The following C1QTNF3 variants were observed in gnomAD, a reference collection of about 807,000 sequenced individuals.
The protein encoded by C1QTNF3 is C1q and TNF related 3.
A neutral mutation model predicts 32.6 loss-of-function variants in C1QTNF3; 26 were observed. The ratio of observed to expected loss-of-function variants is 0.80; its 90% CI spans 0.58 to 1.11. C1QTNF3 has a LOEUF of 1.11. Among genes scored for constraint, C1QTNF3 ranks in the 50% least tolerant of loss-of-function variants. C1QTNF3 has a pLI of 0.00. For synonymous variants in C1QTNF3, 155 were observed against 146.0 expected (o/e 1.06, Z -0.44); for missense variants, 362 against 398.2 (o/e 0.91, Z 0.77).
At chr5:34,224,810 A>G in the C1QTNF3 span, among the ~76,000 whole-genome samples, 1 of 152,198 alleles carries the variant, frequency 6.6e-6, no homozygotes, top group Non-Finnish European at 1.5e-5. Flanking sequence ...ATGGGATCTC[A>G]TTAAACTAAA....
chr5:34,042,917 T>C lies in C1QTNF3; in HGVS notation c.209A>G (p.Asn70Ser). 1.2e-6 allele frequency: 2 copies of C among 1,614,176 alleles called. No individual in the cohort carries two copies. Among genetic ancestry groups the C allele is most frequent in the Non-Finnish European group, 1.7e-6 (2 of 1,180,026 alleles). Residue 70 changes from asparagine to serine, a missense_variant, in exon 1 of 6, where the codon AAT (asparagine) becomes AGT (serine). By Grantham distance (46) the Asn-to-Ser change is conservative. Coordinates refer to ENST00000382065, the MANE Select transcript of C1QTNF3 (RefSeq NM_181435.6). Reference protein sequence around the residue: ...RSHPKTGTVDNNTSTDLKSLR... With the variant: ...RSHPKTGTVDSNTSTDLKSLR... The stretch of plus-strand genomic sequence containing the variant: ...GGATTTTAGGTCTGTAGAAGTGTTA[T>C]TATCCACAGTCCCAGTTTTAGGATG...
At chr5:34,244,694 G>C in the C1QTNF3 span, 1 of 151,992 alleles carries the variant, frequency 6.6e-6, no homozygotes, top group African/African-American at 2.4e-5. Context: ...AGTACCCACC[G>C]GACTCAGGAG....
At chr5:34,208,368 C>T in the C1QTNF3 span, among the ~76,000 whole-genome samples, 1 of 152,114 alleles carries the variant, frequency 6.6e-6, no homozygotes, top group Admixed American at 6.6e-5. Flanking sequence ...AAAATTCATC[C>T]TGCAGTAGTG....
chr5:34,207,923 G>C, the C1QTNF3 span, among the ~76,000 whole-genome samples: 2 of 152,038 alleles, frequency 1.3e-5, no homozygotes, highest in Non-Finnish European at 2.9e-5. Context: ...GAGTAGATGG[G>C]ACTACAGGCG....
the C1QTNF3 span, among the ~76,000 whole-genome samples, chr5:34,131,901 CAT>C: frequency 4.8e-4 from 73 of 152,110 alleles, no homozygotes; most frequent in East Asian, 4.0e-3. Flanking sequence ...ACAATTATCA[CAT>C]GTCAATTTAA....
the C1QTNF3 span, among the ~76,000 whole-genome samples, chr5:34,208,118 AAATG>A: frequency 0.014 from 2,193 of 152,272 alleles, 21 homozygotes; most frequent in South Asian, 0.034. Flanking sequence ...GCTCCTTCCT[AAATG>A]AATGATTATT....
the C1QTNF3 span, among the ~76,000 whole-genome samples, chr5:34,201,270 A>G: frequency 2.6e-5 from 4 of 152,194 alleles, no homozygotes; most frequent in Admixed American, 2.6e-4. Context: ...TTAATAGATC[A>G]TCAGAAAAAA....
At chr5:34,215,936 C>G in the C1QTNF3 span, among the ~76,000 whole-genome samples, 1 of 152,196 alleles carries the variant, frequency 6.6e-6, no homozygotes, top group Non-Finnish European at 1.5e-5. Context: ...CCAGGACTCT[C>G]TCATGACTTT....
chr5:34,155,506 A>C, the C1QTNF3 span, among the ~76,000 whole-genome samples: 1 of 152,210 alleles, frequency 6.6e-6, no homozygotes, highest in Non-Finnish European at 1.5e-5. Flanking sequence ...CTCAGACCTG[A>C]TTTTAATATC....
Position 34,042,592 on chromosome 5 carries a change from C to T in C1QTNF3, c.303+231G>A, listed in dbSNP as rs558537412. 7.2e-5 allele frequency among the ~76,000 whole-genome samples: 11 copies of T among 152,226 alleles called. No homozygotes were observed. The East Asian group carries it at 9.6e-4, about 13-fold the overall frequency. On this transcript the variant is annotated intron_variant, in intron 1 of 5. Coordinates refer to ENST00000382065, the MANE Select transcript of C1QTNF3 (RefSeq NM_181435.6). ...TCCCCTTTCTGATGGGGTGATGCTA[C>T]GGCCACTATCCCATCACATCATTGC...
chr5:34,084,361 G>A, the C1QTNF3 span, among the ~76,000 whole-genome samples: 11 of 151,882 alleles, frequency 7.2e-5, 1 homozygote, highest in South Asian at 2.3e-3. Flanking sequence ...TTCGCTGAGA[G>A]TAAAGTTTAG....
chr5:34,138,594 T>C, the C1QTNF3 span, among the ~76,000 whole-genome samples: 1 of 152,146 alleles, frequency 6.6e-6, no homozygotes, highest in Admixed American at 6.5e-5. Flanking sequence ...TCTATGATGT[T>C]GGCAGGGACA....
chr5:34,239,267 T>C, the C1QTNF3 span: 2 of 152,118 alleles, frequency 1.3e-5, no homozygotes, highest in African/African-American at 4.8e-5. Context: ...ACAAACGTGA[T>C]GATAGGATCA....
chr5:34,230,676 C>T, the C1QTNF3 span, among the ~76,000 whole-genome samples: 1 of 152,036 alleles, frequency 6.6e-6, no homozygotes, highest in Non-Finnish European at 1.5e-5. Flanking sequence ...TAGCGTAAAT[C>T]AATTCAAATT....
At chr5:34,225,330 GTTT>G in the C1QTNF3 span, among the ~76,000 whole-genome samples, 2 of 151,880 alleles carry the variant, frequency 1.3e-5, no homozygotes, top group South Asian at 4.2e-4. Context: ...CACTAACATT[GTTT>G]TGTTAATTTA....
the C1QTNF3 span, among the ~76,000 whole-genome samples, chr5:34,064,629 G>C: frequency 5.0e-3 from 768 of 152,304 alleles, 10 homozygotes; most frequent in Non-Finnish European, 6.6e-3. Flanking sequence ...CGGACACACT[G>C]CCGGATCTGG....
chr5:34,143,027 A>C, the C1QTNF3 span, among the ~76,000 whole-genome samples: 2 of 152,236 alleles, frequency 1.3e-5, no homozygotes, highest in African/African-American at 2.4e-5. Flanking sequence ...AATCCAAGGA[A>C]TGCAAGGAAT....
the C1QTNF3 span, among the ~76,000 whole-genome samples, chr5:34,137,230 C>A: frequency 6.6e-6 from 1 of 151,858 alleles, no homozygotes; most frequent in Non-Finnish European, 1.5e-5. Context: ...TATCAGGATC[C>A]CTGAAAGTTT....
the C1QTNF3 span, among the ~76,000 whole-genome samples, chr5:34,150,182 T>C: frequency 1.9e-5 from 1 of 52,272 alleles, no homozygotes; most frequent in Non-Finnish European, 3.3e-5. Context: ...ATGCACCCAA[T>C]ACAGGAGCAC....
Sources: allele counts gnomAD v4.1 joint callset (sites outside exome capture counted in the v4.1 genomes callset), GRCh38; gene constraint gnomAD v4.1.1; transcripts MANE v1.5; gene names NCBI Gene and HGNC (gene_info 2026-07-23, HGNC 2026-07-21).